Variants in NLRP5 observed in about 807,000 individuals in gnomAD.
NLRP5 encodes NACHT, LRR and PYD domains-containing protein 5.
Under a neutral mutation model 113.1 loss-of-function variants are expected in NLRP5, and 93 were observed. That is an observed-to-expected ratio of 0.82 (90% CI 0.70 to 0.98). The LOEUF is 0.98. Among genes scored for constraint, NLRP5 ranks in the 50% least tolerant of loss-of-function variants. The pLI, the probability that NLRP5 is intolerant of heterozygous loss-of-function variation, is 0.00. For synonymous variants in NLRP5, 751 were observed against 600.7 expected (o/e 1.25, Z -3.66); for missense variants, 1,808 against 1,514.3 (o/e 1.19, Z -3.22).
Position 56,032,724 on chromosome 19 carries a change from C to T in NLRP5, c.2390C>T (p.Ala797Val). The change falls in exon 8 of 15, where the codon GCC (alanine) becomes GTC (valine). Residue 797 changes from alanine to valine, a missense_variant. Physicochemically the swap from Ala to Val is moderately conservative, Grantham distance 64. Transcript: ENST00000390649. Reference sequence around the variant, plus strand: ...GGCAGCAGCATCCTGACAGAGCGGGCCATGAAGACCCTGTGTGCCAAGCTG... The same window carrying T: ...GGCAGCAGCATCCTGACAGAGCGGGTCATGAAGACCCTGTGTGCCAAGCTG... The T allele has an allele frequency of 1.9e-6, 3 of 1,613,126 alleles. No homozygotes were observed. The highest frequency in any genetic ancestry group is 1.1e-5 in the South Asian group (1 of 90,970).
At chr19:56,052,593 C>T (rs142611862) in intron 12 of NLRP5, among the ~76,000 whole-genome samples, 180 of 152,198 alleles carry the variant, frequency 1.2e-3, no homozygotes, top group African/African-American at 4.2e-3. Context: ...ATTCTTCACC[C>T]GATGGCTCCT....
rs898677556 is a variant in NLRP5 at position 56,054,749 on chromosome 19, G to A, written c.3299+941G>A. ...GGGGTTGTCATGGCTAGAGGGAATGGGAAGTAGAAGGGGGGCAGCTGAATT... is the reference window on the plus strand; with the variant it reads ...GGGGTTGTCATGGCTAGAGGGAATGAGAAGTAGAAGGGGGGCAGCTGAATT... On this transcript the variant is annotated intron_variant, in intron 13 of 14. Coordinates refer to ENST00000390649, the MANE Select transcript of NLRP5 (RefSeq NM_153447.4). 2.6e-5 allele frequency among the ~76,000 whole-genome samples: 4 copies of A among 152,176 alleles called. No homozygotes were observed. In the East Asian group the frequency reaches 7.7e-4, roughly 29 times the overall value.
upstream of NLRP5, among the ~76,000 whole-genome samples, chr19:55,998,390 A>G (rs1364415921): frequency 6.6e-6 from 1 of 152,040 alleles, no homozygotes; most frequent in African/African-American, 2.4e-5. Context: ...GTGGTGGCTC[A>G]CGCCTGTAAT....
At chr19:56,050,289 G>GAAAA in intron 11 of NLRP5, 129 bp from the exon 12 acceptor site, 3 of 664,962 alleles carry the variant, frequency 4.5e-6, no homozygotes, top group African/African-American at 2.0e-5. Context: ...AAAAAAAAAA[G>GAAAA]AAAAAAAAAC....
chr19:56,029,226 CTG>C (rs34348828), intron 7 of NLRP5, among the ~76,000 whole-genome samples: 38,700 of 151,894 alleles, frequency 0.25, 5,700 homozygotes, highest in Non-Finnish European at 0.33. Flanking sequence ...GTGAGTGAGA[CTG>C]TGGAGGTGAA....
rs1568492993 is a variant in NLRP5, at chr19:56,030,848, G to A, written c.2277-1763G>A. ...TCCTGCTTCGGCCTCCCTAGTAGCT[G>A]GACTACAGTTGCCCACCACCACACC... is the stretch of plus-strand genomic sequence containing the variant. On this transcript the variant is annotated intron_variant, in intron 7 of 14. Coordinates refer to ENST00000390649, the MANE Select transcript of NLRP5 (RefSeq NM_153447.4). Among the ~76,000 whole-genome samples the A allele has an allele frequency of 2.0e-5, 3 of 150,776 alleles. No individual in the cohort carries two copies. In the South Asian group the frequency reaches 6.3e-4, roughly 31 times the overall value.
At chr19:56,061,049 G>C (rs539790354) in intron 14 of NLRP5, among the ~76,000 whole-genome samples, 1 of 152,304 alleles carries the variant, frequency 6.6e-6, no homozygotes, top group Non-Finnish European at 1.5e-5. Flanking sequence ...TGGGTTGCAT[G>C]TGCCAATTTA....
intron 9 of NLRP5, among the ~76,000 whole-genome samples, chr19:56,037,760 A>G (rs1983372871): frequency 6.6e-6 from 1 of 150,858 alleles, no homozygotes; most frequent in Non-Finnish European, 1.5e-5. Context: ...AATGGAGGGA[A>G]GTGGGGTAGG....
chr19:56,048,986 T>TA (rs1421004603), intron 11 of NLRP5, among the ~76,000 whole-genome samples: 5 of 133,222 alleles, frequency 3.8e-5, no homozygotes, highest in African/African-American at 1.4e-4. Flanking sequence ...TTAATTTTTT[T>TA]TTTTTTTTTT....
At chr19:56,032,030 G>A (rs1158645089) in intron 7 of NLRP5, among the ~76,000 whole-genome samples, 1 of 152,044 alleles carries the variant, frequency 6.6e-6, no homozygotes, top group Non-Finnish European at 1.5e-5. Context: ...GTTCAAGTGG[G>A]GCTGGAATTG....
intron 3 of NLRP5, among the ~76,000 whole-genome samples, chr19:56,013,603 T>TTTTTTTTTTTTG (rs1982293458): frequency 3.0e-5 from 4 of 134,386 alleles, no homozygotes; most frequent in African/African-American, 1.1e-4. Context: ...TGGGTTTTTT[T>TTTTTTTTTTTTG]TTTTTTTTTT....
At chr19:55,999,880 T>C (rs1981564785) in intron 1 of NLRP5, 8 of 885,578 alleles carry the variant, frequency 9.0e-6, no homozygotes, top group Middle Eastern at 2.7e-4. Flanking sequence ...CGCTGCTGTC[T>C]GCTGCAATGT....
rs115433232 is a variant in NLRP5, at chr19:56,052,679, G to A, written c.3129-959G>A. On this transcript the variant is annotated intron_variant, in intron 12 of 14. Coordinates refer to ENST00000390649, the MANE Select transcript of NLRP5 (RefSeq NM_153447.4). ...CAAGCTGAAGACAGACTTGGAGGCC[G>A]TTTCAGTCATTTCTCCTGCGATAAA... Among the ~76,000 whole-genome samples the A allele has an allele frequency of 2.1e-3, 321 of 152,276 alleles. 3 individuals are homozygous for A. Among genetic ancestry groups the A allele is most frequent in the African/African-American group, 7.6e-3 (315 of 41,550 alleles).
chr19:55,992,101 T>A, the NLRP5 span, among the ~76,000 whole-genome samples: 2 of 152,198 alleles, frequency 1.3e-5, no homozygotes, highest in Admixed American at 1.3e-4. Flanking sequence ...CTCCCATTTA[T>A]AAGTGAGAAC....
intron 1 of NLRP5, among the ~76,000 whole-genome samples, chr19:56,003,237 C>T (rs1332849554): frequency 3.3e-5 from 5 of 152,188 alleles, no homozygotes; most frequent in African/African-American, 4.8e-5. Context: ...CTGCAACCTT[C>T]GCCTTCCAGA....
In NLRP5 at chr19:56,028,234, C is replaced by G. The variant is rs999760165; in HGVS notation, c.2001C>G (p.His667Gln). ...TGGGGGTGAAGCAGAAGCTTCTGCA[C>G]TGGGTCTCTCTGTTGGGTCAGCAGC... The change falls in exon 7 of 15, where the codon CAC becomes CAG. Residue 667 changes from histidine (H) to glutamine (Q), a missense_variant. Physicochemically the swap from His to Gln is conservative, Grantham distance 24. Transcript: ENST00000390649. The G allele has an allele frequency of 1.2e-6, 2 of 1,613,934 alleles. No homozygotes were observed. The highest frequency in any genetic ancestry group is 1.7e-6 in the Non-Finnish European group (2 of 1,179,896).
chr19:56,020,799 T>G (rs918317099), intron 6 of NLRP5, among the ~76,000 whole-genome samples: 1 of 151,744 alleles, frequency 6.6e-6, no homozygotes, highest in African/African-American at 2.4e-5. Context: ...TCAACTAATA[T>G]GTACATGAAT....
At chr19:56,059,933 AC>A (rs1386871833) in intron 14 of NLRP5, among the ~76,000 whole-genome samples, 2 of 152,224 alleles carry the variant, frequency 1.3e-5, no homozygotes, top group African/African-American at 4.8e-5. Flanking sequence ...AAGTTATGGC[AC>A]ATGGGTATAA....
At chr19:56,037,009 T>C (rs549015) in intron 9 of NLRP5, among the ~76,000 whole-genome samples, 72,069 of 151,944 alleles carry the variant, frequency 0.47, 18,450 homozygotes, top group African/African-American at 0.69. Flanking sequence ...CCTAGCCAGG[T>C]ACTGGCCTAA....
Sources: gnomAD v4.1 joint callset for allele counts (sites outside exome capture counted in the v4.1 genomes callset) on GRCh38, gnomAD v4.1.1 for gene constraint, MANE v1.5 for transcripts, NCBI Gene and HGNC (gene_info 2026-07-23, HGNC 2026-07-21) for gene names.